The following MME variants were observed in gnomAD, a reference collection of about 807,000 sequenced individuals.
The protein encoded by MME is neprilysin.
In MME, 98 loss-of-function variants were observed where a neutral mutation model predicts 113.2. The ratio of observed to expected loss-of-function variants is 0.87; its 90% CI spans 0.74 to 1.02. The LOEUF is 1.02. Ranked by LOEUF, MME falls within the 50% of genes least tolerant of loss-of-function variation. MME has a pLI of 0.00. For synonymous variants in MME, 292 were observed against 300.6 expected, an observed-to-expected ratio of 0.97 and a Z score of 0.30; for missense variants, 836 against 896.0, an observed-to-expected ratio of 0.93 and a Z score of 0.86.
upstream of MME, among the ~76,000 whole-genome samples, chr3:155,077,774 AT>A (rs1576686559): frequency 2.6e-5 from 4 of 152,106 alleles, no homozygotes; most frequent in Admixed American, 2.6e-4. Context: ...AAAGAAAAAA[AT>A]ATTTGTTCTG....
intron 1 of MME, among the ~76,000 whole-genome samples, chr3:155,066,981 AT>A (rs1714399892): frequency 6.6e-6 from 1 of 152,146 alleles, no homozygotes; most frequent in Non-Finnish European, 1.5e-5. Flanking sequence ...ACCTCCTAAC[AT>A]TAGAACGCAT....
chr3:155,098,687 AG>A (rs972851808), intron 3 of MME, among the ~76,000 whole-genome samples: 32 of 152,096 alleles, frequency 2.1e-4, no homozygotes, highest in Admixed American at 3.9e-4. Context: ...CTTATTGGAG[AG>A]GGGGGTTACT....
At chr3:155,105,731 T>C (rs910101496) in intron 3 of MME, among the ~76,000 whole-genome samples, 5 of 152,190 alleles carry the variant, frequency 3.3e-5, no homozygotes, top group African/African-American at 4.8e-5. Context: ...GACACAAATA[T>C]AGTTACCATA....
At position 155,180,682 on chromosome 3, in the gene MME, G is replaced by T. The variant is rs1379102113; in HGVS notation, c.*223G>T. 2 of 533,748 alleles carry T rather than the reference G, an allele frequency of 3.7e-6. No homozygotes were observed. Among genetic ancestry groups the T allele is most frequent in the Non-Finnish European group, 6.8e-6 (2 of 292,900 alleles). 33.1% of individuals were successfully genotyped at this position (533,748 alleles called of 1,614,324 possible). On this transcript the variant is annotated 3_prime_UTR_variant, in exon 23 of 23. Transcript: ENST00000360490. Reference sequence around the variant, plus strand: ...TATCAAGTCAATCATTTCTCACTGTGTACATAATGCTTAATTTCTAAAGAT... The same window carrying T: ...TATCAAGTCAATCATTTCTCACTGTTTACATAATGCTTAATTTCTAAAGAT...
At chr3:155,063,243 AT>A (rs1364109119) in intron 1 of MME, among the ~76,000 whole-genome samples, 42 of 118,320 alleles carry the variant, frequency 3.5e-4, no homozygotes, top group Non-Finnish European at 5.9e-4. Context: ...TATATATTAT[AT>A]AATAATATAC....
intron 3 of MME, 124 bp downstream of exon 3, chr3:155,085,218 G>T: frequency 1.7e-6 from 1 of 602,286 alleles, no homozygotes; most frequent in African/African-American, 1.9e-5. Flanking sequence ...TATGTGTCTG[G>T]CTCTATAATC....
intron 16 of MME, among the ~76,000 whole-genome samples, chr3:155,154,216 A>T (rs1414836810): frequency 1.3e-5 from 2 of 152,000 alleles, no homozygotes; most frequent in African/African-American, 4.8e-5. Flanking sequence ...GTGCAATTGG[A>T]TGGTGGCACA....
chr3:155,126,392 T>C (rs1330044088), intron 8 of MME, among the ~76,000 whole-genome samples: 1 of 140,186 alleles, frequency 7.1e-6, no homozygotes, highest in Non-Finnish European at 1.5e-5. Flanking sequence ...GATGTATATA[T>C]TTAAGGCAGT....
chr3:155,125,702 A>G (rs947110871), intron 8 of MME, among the ~76,000 whole-genome samples: 3 of 151,634 alleles, frequency 2.0e-5, no homozygotes, highest in African/African-American at 7.3e-5. Flanking sequence ...TTTGTGGTCC[A>G]CCTGCCTCGG....
chr3:155,138,071 C>G, intron 8 of MME, 31 bp from the exon 9 acceptor site: 1 of 1,612,350 alleles, frequency 6.2e-7, no homozygotes, highest in Non-Finnish European at 8.5e-7. Context: ...TAGAGCTACT[C>G]CAACAGTTTA....
At chr3:155,067,287 G>T (rs1714411431) in intron 1 of MME, among the ~76,000 whole-genome samples, 9 of 124,424 alleles carry the variant, frequency 7.2e-5, no homozygotes, top group East Asian at 4.5e-4. Flanking sequence ...TTTAGCTTTT[G>T]CAATTTATTT....
At chr3:155,084,973 T>C (rs1392207835) in intron 2 of MME, 86 bp from the exon 3 acceptor site, 7 of 852,184 alleles carry the variant, frequency 8.2e-6, no homozygotes, top group Non-Finnish European at 1.3e-5. Flanking sequence ...GCTTATTTAA[T>C]TGGCAGTTTT....
chr3:155,099,473 C>T (rs1717019377), intron 3 of MME, among the ~76,000 whole-genome samples: 1 of 152,104 alleles, frequency 6.6e-6, no homozygotes, highest in Non-Finnish European at 1.5e-5. Context: ...GGAGTTGGTC[C>T]ACTGTGTAGA....
chr3:155,165,430 T>C (rs540179356), intron 17 of MME, among the ~76,000 whole-genome samples: 10 of 152,144 alleles, frequency 6.6e-5, no homozygotes, highest in African/African-American at 2.4e-4. Flanking sequence ...AAGAGGATAC[T>C]GGAATGGGGC....
intron 1 of MME, among the ~76,000 whole-genome samples, chr3:155,035,048 G>C (rs1205756026): frequency 6.6e-6 from 1 of 151,850 alleles, no homozygotes; most frequent in African/African-American, 2.4e-5. Context: ...ATCTGATAAA[G>C]ACATTCAAAG....
intron 3 of MME, among the ~76,000 whole-genome samples, chr3:155,113,516 G>A (rs1389356957): frequency 6.6e-6 from 1 of 152,232 alleles, no homozygotes; most frequent in African/African-American, 2.4e-5. Flanking sequence ...CCAAAGTGCT[G>A]GAATTACAGG....
chr3:155,049,257 C>T (rs1159416770), intron 1 of MME, among the ~76,000 whole-genome samples: 1 of 151,886 alleles, frequency 6.6e-6, no homozygotes, highest in South Asian at 2.1e-4. Context: ...AAGATTATGC[C>T]GGATTAGGAT....
intron 1 of MME, among the ~76,000 whole-genome samples, chr3:155,063,420 C>A (rs1714242574): frequency 5.0e-5 from 4 of 80,010 alleles, no homozygotes; most frequent in South Asian, 7.3e-4. Context: ...ATATTTTATT[C>A]ATAATAAAAA....
At position 155,060,447 on chromosome 3, in the gene MME, A is replaced by T. The variant is rs1714093422; in HGVS notation, c.-10-23711A>T. 3.3e-5 allele frequency among the ~76,000 whole-genome samples: 5 copies of T among 152,154 alleles called. No individual in the cohort carries two copies. The South Asian group carries it at 1.0e-3, about 31-fold the overall frequency. On this transcript the variant is annotated intron_variant, in intron 1 of 22. Coordinates refer to the MME transcript ENST00000492661. ...AAAATGAAGCAGTTTGAACAAGATA[A>T]TTTAAATTTTCTTCCATATCTAACA...
Sources: gnomAD v4.1 joint callset for allele counts (sites outside exome capture counted in the v4.1 genomes callset) on GRCh38, gnomAD v4.1.1 for gene constraint, MANE v1.5 for transcripts, NCBI Gene and HGNC (gene_info 2026-07-23, HGNC 2026-07-21) for gene names.